The following SLC35F1 variants were observed in gnomAD, a reference collection of about 807,000 sequenced individuals.
The protein encoded by SLC35F1 is chromosome 6 open reading frame 169.
In SLC35F1, 14 loss-of-function variants were observed where a neutral mutation model predicts 48.7. The ratio of observed to expected loss-of-function variants is 0.29; its 90% CI spans 0.19 to 0.45. The LOEUF (loss-of-function observed/expected upper bound fraction) is 0.45, where lower values mean the gene tolerates loss of function less well. Ranked by LOEUF, SLC35F1 falls within the 20% of genes least tolerant of loss-of-function variation. SLC35F1 has a pLI of 1.00. For missense variants in SLC35F1, 404 were observed against 500.0 expected, an observed-to-expected ratio of 0.81 and a Z score of 1.83; for synonymous variants, 190 against 202.2, an observed-to-expected ratio of 0.94 and a Z score of 0.51.
intron 1 of SLC35F1, among the ~76,000 whole-genome samples, chr6:118,052,742 AC>A (rs2114911280): frequency 6.6e-6 from 1 of 152,328 alleles, no homozygotes; most frequent in East Asian, 1.9e-4. Context: ...GAAAAAAATA[AC>A]AGGATCTAAT....
At chr6:118,312,995 A>G (rs1031810529) in intron 7 of SLC35F1, among the ~76,000 whole-genome samples, 2 of 152,196 alleles carry the variant, frequency 1.3e-5, no homozygotes, top group African/African-American at 4.8e-5. Flanking sequence ...GAGATTTGGC[A>G]TGCTGTAAGT....
intron 1 of SLC35F1, among the ~76,000 whole-genome samples, chr6:118,029,017 G>T (rs1296400174): frequency 6.6e-6 from 1 of 152,078 alleles, no homozygotes; most frequent in Non-Finnish European, 1.5e-5. Context: ...GGCACATGCA[G>T]TTAAACATTT....
intron 1 of SLC35F1, among the ~76,000 whole-genome samples, chr6:118,072,838 T>C (rs1772758537): frequency 2.0e-5 from 3 of 152,170 alleles, no homozygotes; most frequent in Admixed American, 2.0e-4. Flanking sequence ...TTGGTTTCTT[T>C]TTCCATTCGT....
intron 1 of SLC35F1, among the ~76,000 whole-genome samples, chr6:117,987,942 T>A (rs1776868389): frequency 6.6e-6 from 1 of 152,068 alleles, no homozygotes; most frequent in Admixed American, 6.5e-5. Flanking sequence ...TCCAGGAGGC[T>A]TGAAGCTTGG....
chr6:118,241,186 T>G (rs1416530304), intron 3 of SLC35F1, among the ~76,000 whole-genome samples: 1 of 152,218 alleles, frequency 6.6e-6, no homozygotes, highest in East Asian at 1.9e-4. Context: ...AAACAAATGA[T>G]AGGATGTGAC....
intron 1 of SLC35F1, among the ~76,000 whole-genome samples, chr6:117,957,400 A>G (rs762300110): frequency 6.6e-5 from 10 of 152,234 alleles, no homozygotes; most frequent in African/African-American, 1.2e-4. Context: ...TTGTAATGGT[A>G]CTGAATATGT....
chr6:118,033,140 T>A (rs747594382), intron 1 of SLC35F1, among the ~76,000 whole-genome samples: 18 of 152,200 alleles, frequency 1.2e-4, no homozygotes, highest in Non-Finnish European at 2.2e-4. Context: ...ACCAAGTTTT[T>A]CTATTTCATG....
chr6:118,020,666 G>A (rs1367533683), intron 1 of SLC35F1, among the ~76,000 whole-genome samples: 1 of 152,216 alleles, frequency 6.6e-6, no homozygotes, highest in Non-Finnish European at 1.5e-5. Context: ...TAGTACAGAT[G>A]CAGAAACTGA....
At chr6:118,110,294 G>GA (rs1192397422) in intron 1 of SLC35F1, among the ~76,000 whole-genome samples, 1 of 152,116 alleles carries the variant, frequency 6.6e-6, no homozygotes, top group South Asian at 2.1e-4. Flanking sequence ...TGGAGAAATG[G>GA]ACAGCTATAC....
chr6:118,115,996 A>G (rs1259793490), intron 1 of SLC35F1, among the ~76,000 whole-genome samples: 1 of 152,190 alleles, frequency 6.6e-6, no homozygotes, highest in East Asian at 1.9e-4. Flanking sequence ...ATCTGTTCGA[A>G]GTCCATGGAA....
chr6:118,019,020 A>G (rs1269423680), intron 1 of SLC35F1, among the ~76,000 whole-genome samples: 1 of 152,200 alleles, frequency 6.6e-6, no homozygotes, highest in Non-Finnish European at 1.5e-5. Context: ...AGTTCAAACA[A>G]GATCAGTGGA....
At chr6:118,269,683 C>T (rs1435282746) in intron 4 of SLC35F1, among the ~76,000 whole-genome samples, 1 of 151,822 alleles carries the variant, frequency 6.6e-6, no homozygotes, top group Non-Finnish European at 1.5e-5. Context: ...CAGCCAGGGT[C>T]ACAAAACTTT....
intron 7 of SLC35F1, among the ~76,000 whole-genome samples, chr6:118,303,929 A>T (rs1005748839): frequency 1.3e-5 from 2 of 152,218 alleles, no homozygotes; most frequent in African/African-American, 4.8e-5. Context: ...GACACAATGT[A>T]GTCCATAGCA....
chr6:118,048,286 G>A (rs951566338), intron 1 of SLC35F1, among the ~76,000 whole-genome samples: 23 of 152,066 alleles, frequency 1.5e-4, no homozygotes, highest in Non-Finnish European at 7.4e-5. Flanking sequence ...CGGTTTGCCA[G>A]TATTTTATTG....
At chr6:118,301,829 A>C (rs1292368977) in intron 7 of SLC35F1, among the ~76,000 whole-genome samples, 2 of 152,188 alleles carry the variant, frequency 1.3e-5, no homozygotes, top group African/African-American at 4.8e-5. Flanking sequence ...AAAACCAGGT[A>C]GATGCCAGAT....
chr6:118,164,289 G>T (rs1002227561), intron 2 of SLC35F1, among the ~76,000 whole-genome samples: 1 of 152,100 alleles, frequency 6.6e-6, no homozygotes, highest in Non-Finnish European at 1.5e-5. Context: ...ACTATTTGAA[G>T]CTTCTTCCAA....
rs1775907482 is a variant in SLC35F1 at position 118,275,380 on chromosome 6, C to T, written c.638-79C>T. 4 of 1,456,242 alleles carry T rather than the reference C, an allele frequency of 2.7e-6. No individual in the cohort carries two copies. In the African/African-American group the frequency reaches 5.7e-5, roughly 21 times the overall value. The allele number at this position is 1,456,242 out of a possible 1,614,324, so 90.2% of individuals were successfully genotyped here. A position where few individuals can be genotyped will look rare whatever the true frequency, so the allele number is the denominator to read the frequency against. ...GTCAAAATAGAATAGGCAAGGGAAG[C>T]TCAATTTGCCGATGCCAGATTCTTG... On this transcript the variant is annotated intron_variant, in intron 4 of 7. Coordinates refer to ENST00000360388, the MANE Select transcript of SLC35F1 (RefSeq NM_001029858.4).
intron 1 of SLC35F1, among the ~76,000 whole-genome samples, chr6:117,956,638 A>C (rs1776432163): frequency 6.6e-6 from 1 of 152,214 alleles, no homozygotes; most frequent in Admixed American, 6.5e-5. Context: ...CTGCCATCTG[A>C]TTCAGCCACT....
chr6:118,092,449 T>C (rs1323921823), intron 1 of SLC35F1, among the ~76,000 whole-genome samples: 1 of 152,226 alleles, frequency 6.6e-6, no homozygotes, highest in Non-Finnish European at 1.5e-5. Context: ...GGAGAACCTC[T>C]GCTAGGGCTA....
Sources: allele counts gnomAD v4.1 joint callset (sites outside exome capture counted in the v4.1 genomes callset), GRCh38; gene constraint gnomAD v4.1.1; transcripts MANE v1.5; gene names NCBI Gene and HGNC (gene_info 2026-07-23, HGNC 2026-07-21).